The following TBCA variants were observed in gnomAD, a reference collection of about 807,000 sequenced individuals.
TBCA encodes the protein tubulin folding cofactor A, also known as tubulin-specific chaperone A.
In TBCA, 6 loss-of-function variants were observed where a neutral mutation model predicts 15.8. The ratio of observed to expected loss-of-function variants is 0.38; its 90% CI spans 0.21 to 0.75. TBCA has a LOEUF of 0.75. TBCA is among the 30% of genes least tolerant of loss of function. The pLI is 0.46. For synonymous variants in TBCA, 32 were observed against 42.3 expected, an observed-to-expected ratio of 0.76 and a Z score of 0.94; for missense variants, 90 against 131.2, an observed-to-expected ratio of 0.69 and a Z score of 1.53.
In TBCA at chr5:77,722,880, A is replaced by G. The variant is rs147473595; in HGVS notation, c.54-14533T>C. Among the ~76,000 whole-genome samples, 1,296 of 151,932 alleles carry G rather than the reference A, an allele frequency of 8.5e-3. 7 individuals are homozygous for G. The highest frequency in any genetic ancestry group is 0.015 in the Non-Finnish European group (988 of 67,784). On this transcript the variant is annotated intron_variant, in intron 1 of 3. Transcript: ENST00000380377. ...TAAATAAAATTGGTGTTTACATCTT[A>G]ATGTGGCATTAACAATAGCAAAACT...
intron 1 of TBCA, among the ~76,000 whole-genome samples, chr5:77,727,229 T>C (rs1746648216): frequency 7.6e-6 from 1 of 132,298 alleles, no homozygotes. Context: ...ACAGTGAGAC[T>C]CTGTCTCAGG....
intron 1 of TBCA, among the ~76,000 whole-genome samples, chr5:77,767,447 G>C (rs567477201): frequency 6.6e-6 from 1 of 152,300 alleles, no homozygotes; most frequent in Non-Finnish European, 1.5e-5. Flanking sequence ...ATCATTGTGT[G>C]AATCATTTAT....
At chr5:77,693,395 T>G in intron 2 of TBCA, 43 bp from the exon 3 acceptor site, 4 of 1,586,520 alleles carry the variant, frequency 2.5e-6, no homozygotes, top group Non-Finnish European at 3.4e-6. Context: ...ATGGCAGAAC[T>G]TGTAGGTGTT....
chr5:77,715,179 A>G, intron 1 of TBCA: 1 of 691,642 alleles, frequency 1.4e-6, no homozygotes, highest in Non-Finnish European at 2.6e-6. Flanking sequence ...CAAGGGATCT[A>G]TTTTTAGTTA....
intron 1 of TBCA, among the ~76,000 whole-genome samples, chr5:77,749,114 T>C (rs903183487): frequency 7.2e-5 from 11 of 152,320 alleles, no homozygotes; most frequent in Non-Finnish European, 1.6e-4. Context: ...TATTCAAGAT[T>C]TACATTCAAG....
At chr5:77,776,107 C>CCCGCCTCGGG in intron 1 of TBCA, 98 bp downstream of exon 1, 2 of 1,465,570 alleles carry the variant, frequency 1.4e-6, no homozygotes, top group Non-Finnish European at 1.9e-6. Context: ...GAGTTCGGAG[C>CCCGCCTCGGG]CCGCCTCGGG....
chr5:77,722,828 T>C (rs1746554448), intron 1 of TBCA, among the ~76,000 whole-genome samples: 2 of 151,820 alleles, frequency 1.3e-5, no homozygotes, highest in African/African-American at 2.4e-5. Context: ...ATTTCCAATT[T>C]ATATAAAATA....
At chr5:77,727,331 G>A (rs554032681) in intron 1 of TBCA, among the ~76,000 whole-genome samples, 1 of 151,544 alleles carries the variant, frequency 6.6e-6, no homozygotes, top group Admixed American at 6.6e-5. Flanking sequence ...AATCCAGATT[G>A]CCTAATTTAC....
intron 1 of TBCA, among the ~76,000 whole-genome samples, chr5:77,716,988 A>G (rs142765911): frequency 6.6e-6 from 1 of 152,314 alleles, no homozygotes; most frequent in Non-Finnish European, 1.5e-5. Flanking sequence ...GAAGGTTGCC[A>G]TTGCTCATAA....
chr5:77,755,029 T>G (rs1747440871), intron 1 of TBCA, among the ~76,000 whole-genome samples: 1 of 152,184 alleles, frequency 6.6e-6, no homozygotes, highest in African/African-American at 2.4e-5. Flanking sequence ...CACATACTCA[T>G]AAAAACAAAG....
chr5:77,701,215 G>GA (rs1345147890), intron 2 of TBCA, among the ~76,000 whole-genome samples: 2 of 151,632 alleles, frequency 1.3e-5, no homozygotes, highest in African/African-American at 4.8e-5. Context: ...AAATTAGCAA[G>GA]AAAAAAACAA....
intron 1 of TBCA, among the ~76,000 whole-genome samples, chr5:77,761,699 T>C (rs1251825997): frequency 6.8e-6 from 1 of 146,966 alleles, no homozygotes; most frequent in African/African-American, 2.5e-5. Context: ...TTTAATCACT[T>C]TTTTTTTTTT....
At chr5:77,773,338 GTT>G (rs10589730) in intron 1 of TBCA, among the ~76,000 whole-genome samples, 66,791 of 151,306 alleles carry the variant, frequency 0.44, 14,873 homozygotes, top group East Asian at 0.53. Flanking sequence ...CTTTAGACAA[GTT>G]TTTTTTTTCT....
intron 1 of TBCA, among the ~76,000 whole-genome samples, chr5:77,751,765 C>T (rs541073942): frequency 2.6e-5 from 4 of 152,146 alleles, no homozygotes; most frequent in African/African-American, 9.6e-5. Flanking sequence ...TGTGGGAGAC[C>T]AGAGTTTTAT....
intron 1 of TBCA, among the ~76,000 whole-genome samples, chr5:77,759,801 T>C (rs996442012): frequency 6.6e-6 from 1 of 152,230 alleles, no homozygotes; most frequent in African/African-American, 2.4e-5. Context: ...CAGAATACTA[T>C]GTATACTTTG....
At chr5:77,703,722 T>TG (rs1358840042) in intron 2 of TBCA, among the ~76,000 whole-genome samples, 1 of 152,066 alleles carries the variant, frequency 6.6e-6, no homozygotes. Flanking sequence ...GACTTTTGGG[T>TG]GCACACCACC....
At chr5:77,711,885 T>A (rs542012647) in intron 1 of TBCA, among the ~76,000 whole-genome samples, 1 of 151,836 alleles carries the variant, frequency 6.6e-6, no homozygotes, top group African/African-American at 2.4e-5. Flanking sequence ...TCAAAATAAA[T>A]ACAAGTTACG....
rs115445067 is a variant in TBCA at position 77,740,724 on chromosome 5, T to C, written c.54-32377A>G. Reference sequence around the variant, plus strand: ...CATAAATGTGGCAGTCATGAGCATATTGATAACTGAGGTCATGAGTGGGCA... The same window carrying C: ...CATAAATGTGGCAGTCATGAGCATACTGATAACTGAGGTCATGAGTGGGCA... On this transcript the variant is annotated intron_variant, in intron 1 of 3. Transcript: ENST00000380377. Among the ~76,000 whole-genome samples the C allele has an allele frequency of 3.9e-3, 595 of 152,286 alleles. 4 individuals carry two copies. The highest frequency in any genetic ancestry group is 0.012 in the African/African-American group (504 of 41,556).
At chr5:77,723,815 A>C (rs1341170140) in intron 1 of TBCA, among the ~76,000 whole-genome samples, 1 of 152,076 alleles carries the variant, frequency 6.6e-6, no homozygotes, top group African/African-American at 2.4e-5. Flanking sequence ...TGACATTCAG[A>C]AACTAGAGAA....
Sources: gnomAD v4.1 joint callset for allele counts (sites outside exome capture counted in the v4.1 genomes callset) on GRCh38, gnomAD v4.1.1 for gene constraint, MANE v1.5 for transcripts, NCBI Gene and HGNC (gene_info 2026-07-23, HGNC 2026-07-21) for gene names.